Variants in CFAP299 observed in about 807,000 individuals in gnomAD.
CFAP299 encodes the protein cilia- and flagella-associated protein 299.
Under a neutral mutation model 27.0 loss-of-function variants are expected in CFAP299, and 21 were observed. That is an observed-to-expected ratio of 0.78 (90% CI 0.55 to 1.12). CFAP299 has a LOEUF of 1.12. Ranked by LOEUF, CFAP299 falls within the 50% of genes most tolerant of loss-of-function variation. The pLI, the probability that CFAP299 is intolerant of heterozygous loss-of-function variation, is 0.00. For synonymous variants in CFAP299, 104 were observed against 98.1 expected (o/e 1.06, Z -0.36); for missense variants, 310 against 276.6 (o/e 1.12, Z -0.86).
chr4:80,632,043 A>G (rs12640833), intron 3 of CFAP299, among the ~76,000 whole-genome samples: 34,590 of 151,886 alleles, frequency 0.23, 4,417 homozygotes, highest in Middle Eastern at 0.39. Context: ...CTGAAGAAGA[A>G]GAGCCTCTCT....
At chr4:80,446,640 C>T (rs1728627924) in intron 2 of CFAP299, among the ~76,000 whole-genome samples, 1 of 152,056 alleles carries the variant, frequency 6.6e-6, no homozygotes, top group Admixed American at 6.5e-5. Context: ...GTCTTCTATC[C>T]ATTACTTTCT....
intron 3 of CFAP299, among the ~76,000 whole-genome samples, chr4:80,634,714 T>C (rs538148055): frequency 6.6e-6 from 1 of 152,250 alleles, no homozygotes; most frequent in South Asian, 2.1e-4. Flanking sequence ...TAAAACATAC[T>C]CAAAAGTACA....
intron 3 of CFAP299, among the ~76,000 whole-genome samples, chr4:80,660,541 ATATCT>A (rs1740791132): frequency 6.6e-6 from 1 of 152,166 alleles, no homozygotes; most frequent in South Asian, 2.1e-4. Context: ...ATCAAATGAG[ATATCT>A]TACATTTGCT....
At chr4:80,799,428 A>C (rs1367126811) in intron 3 of CFAP299, among the ~76,000 whole-genome samples, 1 of 92,686 alleles carries the variant, frequency 1.1e-5, no homozygotes, top group Non-Finnish European at 1.8e-5. Flanking sequence ...TAATATTTAT[A>C]ATATATATAA....
intron 2 of CFAP299, among the ~76,000 whole-genome samples, chr4:80,556,014 G>GA (rs2110214989): frequency 6.6e-6 from 1 of 152,072 alleles, no homozygotes; most frequent in African/African-American, 2.4e-5. Context: ...TTTAGACTCT[G>GA]AAAAAACAAA....
intron 3 of CFAP299, among the ~76,000 whole-genome samples, chr4:80,701,155 A>G (rs920558770): frequency 1.5e-4 from 23 of 152,190 alleles, no homozygotes; most frequent in Non-Finnish European, 2.9e-4. Flanking sequence ...TAAAAACATT[A>G]GTGGGGGTTA....
intron 2 of CFAP299, among the ~76,000 whole-genome samples, chr4:80,509,366 A>G (rs1199391164): frequency 6.6e-6 from 1 of 152,198 alleles, no homozygotes; most frequent in East Asian, 1.9e-4. Flanking sequence ...CTCTGCTTAC[A>G]GAGGAAACAA....
intron 2 of CFAP299, among the ~76,000 whole-genome samples, chr4:80,516,840 A>G (rs145721031): frequency 1.3e-5 from 2 of 152,340 alleles, no homozygotes; most frequent in African/African-American, 2.4e-5. Flanking sequence ...GGAATGAAGT[A>G]TAATTATTTC....
intron 2 of CFAP299, among the ~76,000 whole-genome samples, chr4:80,462,249 T>C (rs998284019): frequency 6.6e-6 from 1 of 152,158 alleles, no homozygotes; most frequent in African/African-American, 2.4e-5. Flanking sequence ...TCTCTTCTTA[T>C]TAAAAAATAA....
chr4:80,893,758 A>T (rs1214781914), intron 4 of CFAP299, among the ~76,000 whole-genome samples: 1 of 151,912 alleles, frequency 6.6e-6, no homozygotes, highest in Non-Finnish European at 1.5e-5. Context: ...AAAATGTAGA[A>T]CCGCTAGGAG....
At chr4:80,843,876 G>C (rs1049020003) in intron 3 of CFAP299, among the ~76,000 whole-genome samples, 4 of 151,726 alleles carry the variant, frequency 2.6e-5, no homozygotes, top group African/African-American at 7.3e-5. Context: ...TCGTCATTTA[G>C]CATTAGGTAT....
At chr4:80,340,424 T>A (rs1045639715) in intron 1 of CFAP299, among the ~76,000 whole-genome samples, 4 of 150,506 alleles carry the variant, frequency 2.7e-5, no homozygotes, top group Non-Finnish European at 5.9e-5. Context: ...GACCCAGGAG[T>A]TTTTCAGTCT....
rs76106860 is a variant in CFAP299, at chr4:80,432,498, C to T, written c.242+69614C>T. ...TATTTCTAAAAGACAGTCTTTTTAG[C>T]ACAAGTTTTTCAGTTCACATGCAAT... is the stretch of plus-strand genomic sequence containing the variant. On this transcript the variant is annotated intron_variant, in intron 2 of 5. Coordinates refer to ENST00000358105, the MANE Select transcript of CFAP299 (RefSeq NM_152770.3). Among the ~76,000 whole-genome samples the T allele has an allele frequency of 1.6e-3, 234 of 148,674 alleles. 7 individuals are homozygous for T. In the East Asian group the frequency reaches 0.044, roughly 28 times the overall value.
the CFAP299 span, among the ~76,000 whole-genome samples, chr4:80,322,284 G>T: frequency 1.9e-4 from 29 of 152,286 alleles, no homozygotes; most frequent in South Asian, 5.4e-3. Flanking sequence ...TAAATAAAAG[G>T]CTTCCCAATC....
At chr4:80,329,925 C>T in the CFAP299 span, among the ~76,000 whole-genome samples, 2 of 152,134 alleles carry the variant, frequency 1.3e-5, no homozygotes, top group African/African-American at 2.4e-5. Flanking sequence ...GGGGTTTTAA[C>T]GATGTCTCCT....
intron 3 of CFAP299, among the ~76,000 whole-genome samples, chr4:80,785,419 C>T (rs1464656850): frequency 6.6e-6 from 1 of 152,068 alleles, no homozygotes; most frequent in African/African-American, 2.4e-5. Context: ...AATTCTTCTT[C>T]CAGAGTATCT....
chr4:80,550,391 C>T (rs1734441110), intron 2 of CFAP299, among the ~76,000 whole-genome samples: 2 of 152,052 alleles, frequency 1.3e-5, no homozygotes, highest in African/African-American at 4.8e-5. Context: ...CTATATGCAA[C>T]TCTTCAACCT....
At chr4:80,867,103 T>C (rs1732790257) in intron 3 of CFAP299, among the ~76,000 whole-genome samples, 1 of 152,222 alleles carries the variant, frequency 6.6e-6, no homozygotes, top group Admixed American at 6.5e-5. Flanking sequence ...TATGTTCTTC[T>C]AGTTCTATCA....
At chr4:80,860,663 T>C (rs1334186772) in intron 3 of CFAP299, among the ~76,000 whole-genome samples, 1 of 152,234 alleles carries the variant, frequency 6.6e-6, no homozygotes, top group Non-Finnish European at 1.5e-5. Context: ...TGGAGTTTGC[T>C]AGAGGTCCAC....
Sources: gnomAD v4.1 joint callset for allele counts (sites outside exome capture counted in the v4.1 genomes callset) on GRCh38, gnomAD v4.1.1 for gene constraint, MANE v1.5 for transcripts, NCBI Gene and HGNC (gene_info 2026-07-23, HGNC 2026-07-21) for gene names.